Variants in SMAD2 observed in about 807,000 individuals in gnomAD.
The protein encoded by SMAD2 is MAD homolog 2.
SMAD2 carries 8 observed loss-of-function variants against 64.4 expected under a neutral mutation model. That is an observed-to-expected ratio of 0.12 (90% CI 0.07 to 0.22). The LOEUF (loss-of-function observed/expected upper bound fraction) is 0.22, where lower values mean the gene tolerates loss of function less well. Ranked by LOEUF, SMAD2 falls within the 10% of genes least tolerant of loss-of-function variation. SMAD2 has a pLI of 1.00. For missense variants in SMAD2, 289 were observed against 561.2 expected (o/e 0.51, Z 4.90); for synonymous variants, 203 against 195.8 (o/e 1.04, Z -0.31).
chr18:47,881,380 C>T (rs1325700658), intron 2 of SMAD2, among the ~76,000 whole-genome samples: 1 of 152,172 alleles, frequency 6.6e-6, no homozygotes, highest in Non-Finnish European at 1.5e-5. Flanking sequence ...ATTTTCTTAA[C>T]ACCCCTATTT....
chr18:47,922,140 G>A (rs2034585751), intron 1 of SMAD2, among the ~76,000 whole-genome samples: 1 of 151,976 alleles, frequency 6.6e-6, no homozygotes, highest in African/African-American at 2.4e-5. Flanking sequence ...AGGTATGGAG[G>A]GAAGAGAAAT....
chr18:47,853,647 T>C (rs1025811999), intron 6 of SMAD2, among the ~76,000 whole-genome samples: 2 of 152,008 alleles, frequency 1.3e-5, no homozygotes, highest in Admixed American at 6.6e-5. Context: ...AGCCCCTAGA[T>C]AAATAAATGA....
At chr18:47,863,359 A>G (rs2031327767) in intron 6 of SMAD2, among the ~76,000 whole-genome samples, 1 of 152,220 alleles carries the variant, frequency 6.6e-6, no homozygotes, top group African/African-American at 2.4e-5. Flanking sequence ...TGCTCCACTG[A>G]AACAGAAATA....
chr18:47,835,741 ACT>A lies in SMAD2; in HGVS notation c.*6084_*6085del, dbSNP rs1913358278. 2.1e-5 allele frequency: 4 copies of A among 189,632 alleles called. No homozygotes were observed. The East Asian group carries it at 3.4e-4, about 16-fold the overall frequency. 11.7% of individuals were successfully genotyped at this position (189,632 alleles called of 1,614,324 possible). The stretch of plus-strand genomic sequence containing the variant: ...AATGGAAAATATATAATATTTAAGT[ACT>A]TTTATAATTCTAAAACTTCACTTTT... On this transcript the variant is annotated 3_prime_UTR_variant, in exon 11 of 11. Coordinates refer to ENST00000262160, the MANE Select transcript of SMAD2 (RefSeq NM_005901.6).
At chr18:47,866,316 CAAAAAAAAAAAAA>C (rs34302955) in intron 5 of SMAD2, among the ~76,000 whole-genome samples, 5 of 42,096 alleles carry the variant, frequency 1.2e-4, no homozygotes, top group East Asian at 1.6e-3. Context: ...AACACCGTCT[CAAAAAAAAAAAAA>C]AAAAAAAAAA....
At chr18:47,921,376 G>T (rs548724985) in intron 1 of SMAD2, among the ~76,000 whole-genome samples, 1 of 152,282 alleles carries the variant, frequency 6.6e-6, no homozygotes, top group South Asian at 2.1e-4. Flanking sequence ...ACTTGCCTTT[G>T]AAAAGGCAAC....
chr18:47,855,026 C>T lies in SMAD2; in HGVS notation c.731-3699G>A, dbSNP rs140519126. Among the ~76,000 whole-genome samples the T allele has an allele frequency of 4.5e-3, 680 of 152,266 alleles. 5 individuals are homozygous for T. The highest frequency in any genetic ancestry group is 0.016 in the African/African-American group (650 of 41,564). The stretch of plus-strand genomic sequence containing the variant: ...TAGTCCTCTTTACCTCCCACAAAGC[C>T]TCAGTAACCACTTATCTTTCTACTG... On this transcript the variant is annotated intron_variant, in intron 6 of 10. Transcript: ENST00000262160.
intron 2 of SMAD2, among the ~76,000 whole-genome samples, chr18:47,891,542 C>T (rs1032942002): frequency 4.0e-5 from 6 of 149,956 alleles, no homozygotes; most frequent in African/African-American, 1.5e-4. Context: ...AAGGGACAGA[C>T]TCTCACTATG....
chr18:47,922,604 G>A (rs1013361801), intron 1 of SMAD2: 1 of 152,158 alleles, frequency 6.6e-6, no homozygotes, highest in Non-Finnish European at 1.5e-5. Context: ...GAGAGTCCCG[G>A]AACCAATCCT....
intron 2 of SMAD2, among the ~76,000 whole-genome samples, chr18:47,889,496 G>A (rs928013397): frequency 6.6e-6 from 1 of 152,122 alleles, no homozygotes; most frequent in African/African-American, 2.4e-5. Flanking sequence ...AAACAGTCGG[G>A]CGCGGTGGCT....
chr18:47,914,373 T>C (rs1300272955), intron 1 of SMAD2, among the ~76,000 whole-genome samples: 1 of 152,162 alleles, frequency 6.6e-6, no homozygotes, highest in Non-Finnish European at 1.5e-5. Flanking sequence ...TGCTTAAGCC[T>C]AAGAGTCCAG....
Position 47,851,323 on chromosome 18 carries a change from A to G in SMAD2, c.735T>C (p.Ser245=). ...GAGTAGTAGGAGATAGTTCTGCTGG[A>G]GAGCCTAAAACAAAAGGATTTAAAA... ...QQLNQSMDTG[S]PAELSPTTLS... Residue 245 remains serine (S), a synonymous_variant, in exon 7 of 11, where the codon TCT becomes TCC. Transcript: ENST00000262160. 2 of 1,606,620 alleles carry G rather than the reference A, an allele frequency of 1.2e-6. No homozygotes were observed. The highest frequency in any genetic ancestry group is 1.7e-6 in the Non-Finnish European group (2 of 1,173,542).
At chr18:47,871,637 C>G (rs2144388574) in intron 2 of SMAD2, among the ~76,000 whole-genome samples, 1 of 152,284 alleles carries the variant, frequency 6.6e-6, no homozygotes, top group South Asian at 2.1e-4. Context: ...TGAAATTTTC[C>G]AGCATCTCAT....
chr18:47,917,676 T>C (rs930928316), intron 1 of SMAD2, among the ~76,000 whole-genome samples: 3 of 152,194 alleles, frequency 2.0e-5, no homozygotes, highest in African/African-American at 7.2e-5. Flanking sequence ...AATGGAAAAC[T>C]TTAACTCATC....
At chr18:47,854,188 T>C (rs2030437074) in intron 6 of SMAD2, among the ~76,000 whole-genome samples, 1 of 152,180 alleles carries the variant, frequency 6.6e-6, no homozygotes, top group Non-Finnish European at 1.5e-5. Flanking sequence ...GGTCTTCCAC[T>C]TAGAATATTA....
rs142926232 is a variant in SMAD2, at chr18:47,914,042, G to A, written c.-54+16319C>T. ...TAAGAGGTCTAATTATCCTGAACTT[G>A]TAGTAAAGCCTTCAAGTTATTAACT... is the stretch of plus-strand genomic sequence containing the variant. On this transcript the variant is annotated intron_variant, in intron 1 of 10. Transcript: ENST00000262160. 5.2e-3 allele frequency among the ~76,000 whole-genome samples: 798 copies of A among 152,312 alleles called. 8 individuals are homozygous for A. The highest frequency in any genetic ancestry group is 5.2e-3 in the Admixed American group (80 of 15,314).
rs544489589 is a variant in SMAD2, at chr18:47,820,495, C to A, written c.*21332G>T. ...ATGGAAACAAGACAGAAAGGAACCA[C>A]TAAGTAGGAGGAGGAGAGAAATATG... On this transcript the variant is annotated 3_prime_UTR_variant, in exon 11 of 11. Coordinates refer to ENST00000262160, the MANE Select transcript of SMAD2 (RefSeq NM_005901.6). 6.6e-6 allele frequency: 1 copy of A among 152,156 alleles called. No homozygotes were observed. The highest frequency in any genetic ancestry group is 2.1e-4 in the South Asian group (1 of 4,818). The allele number at this position is 152,156 out of a possible 1,614,324, so 9.4% of individuals were successfully genotyped here. A position where few individuals can be genotyped will look rare whatever the true frequency, so the allele number is the denominator to read the frequency against.
intron 1 of SMAD2, among the ~76,000 whole-genome samples, chr18:47,903,099 T>C (rs1402042939): frequency 6.6e-6 from 1 of 151,552 alleles, no homozygotes; most frequent in Non-Finnish European, 1.5e-5. Flanking sequence ...TCTACCCTCA[T>C]CAATGGGGGA....
At chr18:47,842,078 G>C in intron 10 of SMAD2, 128 bp from the exon 11 acceptor site, 1 of 976,712 alleles carries the variant, frequency 1.0e-6, no homozygotes, top group South Asian at 1.4e-5. Context: ...TTTTGGACAC[G>C]ATTATTCCGC....
Sources: gnomAD v4.1 joint callset for allele counts (sites outside exome capture counted in the v4.1 genomes callset) on GRCh38, gnomAD v4.1.1 for gene constraint, MANE v1.5 for transcripts, NCBI Gene and HGNC (gene_info 2026-07-23, HGNC 2026-07-21) for gene names.